The following ADAMTS16 variants were observed in gnomAD, a reference collection of about 807,000 sequenced individuals.
ADAMTS16 encodes the protein ADAM metallopeptidase with thrombospondin type 1 motif 16, also known as A disintegrin and metalloproteinase with thrombospondin motifs 16.
Under a neutral mutation model 145.8 loss-of-function variants are expected in ADAMTS16, and 94 were observed. The ratio of observed to expected loss-of-function variants is 0.64; its 90% CI spans 0.55 to 0.77. The LOEUF is 0.77. Among genes scored for constraint, ADAMTS16 ranks in the 30% least tolerant of loss-of-function variants. The pLI, the probability that ADAMTS16 is intolerant of heterozygous loss-of-function variation, is 0.00. For missense variants in ADAMTS16, 1,585 were observed against 1,591.5 expected (o/e 1.00, Z 0.07); for synonymous variants, 659 against 604.3 (o/e 1.09, Z -1.33).
intron 18 of ADAMTS16, among the ~76,000 whole-genome samples, chr5:5,273,702 A>C (rs1456329604): frequency 6.6e-6 from 1 of 152,226 alleles, no homozygotes; most frequent in Non-Finnish European, 1.5e-5. Flanking sequence ...GTGACTTTGC[A>C]CCAAAACAAT....
At chr5:5,282,138 C>A (rs565232816) in intron 18 of ADAMTS16, among the ~76,000 whole-genome samples, 1 of 152,020 alleles carries the variant, frequency 6.6e-6, no homozygotes, top group Non-Finnish European at 1.5e-5. Context: ...ATAACTGTCA[C>A]GCTCTGGGTA....
At chr5:5,176,231 T>G (rs1202033572) in intron 3 of ADAMTS16, 2 of 152,202 alleles carry the variant, frequency 1.3e-5, no homozygotes, top group Non-Finnish European at 2.9e-5. Context: ...CCCACTGAAA[T>G]GTTTCCTTGT....
intron 3 of ADAMTS16, among the ~76,000 whole-genome samples, chr5:5,149,296 T>A (rs1451160967): frequency 6.6e-6 from 1 of 152,130 alleles, no homozygotes; most frequent in Non-Finnish European, 1.5e-5. Flanking sequence ...TCATTAGAGA[T>A]CTGTTTGTGG....
chr5:5,193,238 G>A (rs1253221741), intron 8 of ADAMTS16, among the ~76,000 whole-genome samples: 1 of 151,988 alleles, frequency 6.6e-6, no homozygotes. Context: ...GGAATTCCAC[G>A]AAGGTTCTGC....
chr5:5,309,584 A>ATCAAAGCACGCACAGAC (rs1740333638), intron 21 of ADAMTS16, among the ~76,000 whole-genome samples: 1 of 151,972 alleles, frequency 6.6e-6, no homozygotes, highest in African/African-American at 2.4e-5. Context: ...GCAGCACAGA[A>ATCAAAGCACGCACAGAC]CATCAAAGCA....
In ADAMTS16 at chr5:5,306,501, T is replaced by C. The variant is rs930632120; in HGVS notation, c.3187-3T>C. On this transcript the variant is annotated splice_region_variant and splice_polypyrimidine_tract_variant and intron_variant, in intron 20 of 22. Coordinates refer to ENST00000274181, the MANE Select transcript of ADAMTS16 (RefSeq NM_139056.4). Reference sequence around the variant, plus strand: ...CTGACTTCTTTTGTTCTCTTCTTTTTAGTGCTCTGTGACATGTGAAAGAGG... The same window carrying C: ...CTGACTTCTTTTGTTCTCTTCTTTTCAGTGCTCTGTGACATGTGAAAGAGG... The C allele has an allele frequency of 1.9e-6, 3 of 1,606,870 alleles. No individual in the cohort carries two copies. The highest frequency in any genetic ancestry group is 2.6e-6 in the Non-Finnish European group (3 of 1,174,930).
chr5:5,318,226 G>A lies in ADAMTS16; in HGVS notation c.3504G>A (p.Lys1168=). 1.3e-6 allele frequency: 2 copies of A among 1,568,172 alleles called. No individual in the cohort carries two copies. The highest frequency in any genetic ancestry group is 2.7e-5 in the African/African-American group (2 of 73,764). The change falls in exon 22 of 23, where the codon AAG becomes AAA. Residue 1168 remains lysine, a synonymous_variant. Transcript: ENST00000274181. ...RPASGCLLHQ[K]PSASLACNTH... is the part of the protein sequence containing the mutation. ...CCTCAGGCTGCCTCCTGCACCAGAA[G>A]CCTTCGGCCTCCCTGGCCTGCAACA...
intron 12 of ADAMTS16, among the ~76,000 whole-genome samples, chr5:5,234,164 G>A (rs139769509): frequency 9.9e-4 from 151 of 152,290 alleles, no homozygotes; most frequent in African/African-American, 2.9e-3. Flanking sequence ...TACCCCTTGC[G>A]CTGCCCGCAT....
At chr5:5,148,951 G>C (rs905791626) in intron 3 of ADAMTS16, among the ~76,000 whole-genome samples, 1 of 152,114 alleles carries the variant, frequency 6.6e-6, no homozygotes, top group Non-Finnish European at 1.5e-5. Flanking sequence ...GGATTTTAGA[G>C]ACTGTCCAGA....
chr5:5,305,409 CAT>C (rs1229865028), intron 20 of ADAMTS16, among the ~76,000 whole-genome samples: 1 of 76,956 alleles, frequency 1.3e-5, no homozygotes, highest in Admixed American at 1.2e-4. Flanking sequence ...CACACACACA[CAT>C]CCCACACCAC....
intron 18 of ADAMTS16, among the ~76,000 whole-genome samples, chr5:5,278,223 G>A (rs1738774178): frequency 6.6e-6 from 1 of 152,136 alleles, no homozygotes; most frequent in African/African-American, 2.4e-5. Flanking sequence ...CAATGACCCG[G>A]TGCCAAGAAT....
chr5:5,305,992 G>C (rs556451556), intron 20 of ADAMTS16, among the ~76,000 whole-genome samples: 1 of 152,204 alleles, frequency 6.6e-6, no homozygotes, highest in Non-Finnish European at 1.5e-5. Flanking sequence ...CTTAGAGCCT[G>C]CCTTAGTGGA....
At chr5:5,173,343 T>C (rs777668942) in intron 3 of ADAMTS16, among the ~76,000 whole-genome samples, 17 of 152,150 alleles carry the variant, frequency 1.1e-4, no homozygotes, top group Non-Finnish European at 1.6e-4. Context: ...CTTCTTGTCT[T>C]CCTTTTAGTG....
chr5:5,143,440 C>T (rs535362885), intron 2 of ADAMTS16, among the ~76,000 whole-genome samples: 3 of 152,282 alleles, frequency 2.0e-5, no homozygotes, highest in South Asian at 4.1e-4. Flanking sequence ...TACCATCTCA[C>T]GCCATTTAGA....
chr5:5,308,015 A>G (rs1177557294), intron 21 of ADAMTS16, among the ~76,000 whole-genome samples: 1 of 152,184 alleles, frequency 6.6e-6, no homozygotes, highest in Non-Finnish European at 1.5e-5. Flanking sequence ...GCAAATGACA[A>G]TGACCTCATG....
At chr5:5,155,647 T>G (rs1267242050) in intron 3 of ADAMTS16, among the ~76,000 whole-genome samples, 1 of 152,160 alleles carries the variant, frequency 6.6e-6, no homozygotes, top group Non-Finnish European at 1.5e-5. Flanking sequence ...GAGAACAGTG[T>G]AGCTGGTTCT....
At chr5:5,294,034 G>C (rs3934695) in intron 18 of ADAMTS16, among the ~76,000 whole-genome samples, 4,686 of 152,294 alleles carry the variant, frequency 0.031, 239 homozygotes, top group African/African-American at 0.11. Flanking sequence ...GAGCCATGGA[G>C]TGTTTCATAT....
At chr5:5,141,455 G>T (rs1280184161) in intron 2 of ADAMTS16, among the ~76,000 whole-genome samples, 1 of 152,192 alleles carries the variant, frequency 6.6e-6, no homozygotes, top group East Asian at 1.9e-4. Flanking sequence ...TATGGAAAGG[G>T]ATCTCTGTGT....
At chr5:5,184,832 T>A (rs1281991338) in intron 4 of ADAMTS16, among the ~76,000 whole-genome samples, 1 of 152,136 alleles carries the variant, frequency 6.6e-6, no homozygotes, top group African/African-American at 2.4e-5. Context: ...ACTGAGGGCC[T>A]GTAGCTGCTG....
Sources: allele counts gnomAD v4.1 joint callset (sites outside exome capture counted in the v4.1 genomes callset), GRCh38; gene constraint gnomAD v4.1.1; transcripts MANE v1.5; gene names NCBI Gene and HGNC (gene_info 2026-07-23, HGNC 2026-07-21).